ATF1: variants seen among roughly 807,000 people sequenced by gnomAD.
The protein encoded by ATF1 is activating transcription factor 1.
ATF1 carries 16 observed loss-of-function variants against 34.7 expected under a neutral mutation model. The observed-to-expected ratio is 0.46, with a 90% CI of 0.31 to 0.70. ATF1 has a LOEUF of 0.70. ATF1 is among the 30% of genes least tolerant of loss of function. The probability of loss-of-function intolerance (pLI) is 0.05; values close to 1 mark genes in which losing one functional copy is unlikely to be tolerated. For missense variants in ATF1, 255 were observed against 321.6 expected (o/e 0.79, Z 1.58); for synonymous variants, 105 against 113.1 (o/e 0.93, Z 0.46).
chr12:50,779,601 G>T (rs1941009984), intron 1 of ATF1, among the ~76,000 whole-genome samples: 3 of 141,170 alleles, frequency 2.1e-5, no homozygotes, highest in African/African-American at 5.3e-5. Flanking sequence ...ATTAAATTCT[G>T]TCTAAATCTT....
intron 1 of ATF1, among the ~76,000 whole-genome samples, chr12:50,773,386 C>T (rs1940827463): frequency 6.6e-6 from 1 of 150,990 alleles, no homozygotes; most frequent in Admixed American, 6.6e-5. Context: ...CCACCAACAA[C>T]GTAAAAGCAT....
intron 2 of ATF1, among the ~76,000 whole-genome samples, chr12:50,792,485 C>T (rs1319618588): frequency 1.3e-5 from 2 of 152,142 alleles, no homozygotes; most frequent in Non-Finnish European, 2.9e-5. Context: ...ATCCAGACAG[C>T]CCAGTCTTCT....
chr12:50,789,712 G>A (rs1054745073), intron 2 of ATF1, among the ~76,000 whole-genome samples: 4 of 152,074 alleles, frequency 2.6e-5, no homozygotes, highest in Admixed American at 1.3e-4. Context: ...CCGAGATTGT[G>A]CCACTGCACT....
At chr12:50,776,305 G>A in intron 1 of ATF1, among the ~76,000 whole-genome samples, 1 of 102,450 alleles carries the variant, frequency 9.8e-6, no homozygotes, top group South Asian at 2.6e-4. Context: ...GACAGAGTGA[G>A]ACTCTGTCTC....
At chr12:50,775,976 T>C (rs1445447862) in intron 1 of ATF1, among the ~76,000 whole-genome samples, 2 of 152,064 alleles carry the variant, frequency 1.3e-5, no homozygotes, top group African/African-American at 4.8e-5. Flanking sequence ...GTGGATCGTT[T>C]GAGCTTAGGA....
intron 3 of ATF1, chr12:50,806,340 C>A (rs1453325305): frequency 1.0e-5 from 5 of 485,248 alleles, no homozygotes; most frequent in South Asian, 1.5e-5. Context: ...GTTTACTTGG[C>A]TGTCATTGAC....
intron 6 of ATF1, among the ~76,000 whole-genome samples, chr12:50,817,756 A>T (rs1038324818): frequency 6.6e-6 from 1 of 152,232 alleles, no homozygotes; most frequent in African/African-American, 2.4e-5. Context: ...AGGTTATATA[A>T]AGATTTATTT....
At chr12:50,776,192 G>GTCCCAGCTACTCAGGAGGCT (rs1266948872) in intron 1 of ATF1, among the ~76,000 whole-genome samples, 2 of 151,226 alleles carry the variant, frequency 1.3e-5, no homozygotes, top group East Asian at 3.9e-4. Flanking sequence ...GGCGCCTGTA[G>GTCCCAGCTACTCAGGAGGCT]TCCCAGCTAC....
At chr12:50,791,997 C>G (rs1447031031) in intron 2 of ATF1, among the ~76,000 whole-genome samples, 1 of 152,070 alleles carries the variant, frequency 6.6e-6, no homozygotes, top group Non-Finnish European at 1.5e-5. Context: ...TAGTTTTCAA[C>G]CATATCTCTT....
chr12:50,768,500 G>A (rs1230271245), intron 1 of ATF1, among the ~76,000 whole-genome samples: 1 of 152,190 alleles, frequency 6.6e-6, no homozygotes, highest in Non-Finnish European at 1.5e-5. Context: ...TCGTGGCCCT[G>A]TTCTTCCAAG....
rs772657784 is a variant in ATF1, at chr12:50,814,244, TACTA to T, written c.512-28_512-25del. On this transcript the variant is annotated intron_variant, in intron 5 of 6. Transcript: ENST00000262053. ...GTCTCCTAACACTGTCAGAGACACT[TACTA>T]ACTAACTCATTCACTCTTGTTTACC... 9.5e-5 allele frequency: 154 copies of T among 1,613,650 alleles called. 1 individual carries two copies. The Middle Eastern group carries it at 9.9e-4, about 10-fold the overall frequency.
chr12:50,820,174 A>ATGTGTG lies in ATF1; in HGVS notation c.*407_*412dup, dbSNP rs34967117. On this transcript the variant is annotated 3_prime_UTR_variant, in exon 7 of 7. Transcript: ENST00000262053. Reference sequence around the variant, plus strand: ...AATTTACCTTTTTTTAGTTATATATATGTGTGTGTGTGTGTGTAATTTCTG... The same window carrying ATGTGTG: ...AATTTACCTTTTTTTAGTTATATATATGTGTGTGTGTGTGTGTGTGTGTAATTTCTG... 2 of 213,208 alleles carry ATGTGTG rather than the reference A, an allele frequency of 9.4e-6. No individual in the cohort carries two copies. The highest frequency in any genetic ancestry group is 5.6e-5 in the Admixed American group (1 of 17,840). 13.2% of individuals were successfully genotyped at this position (213,208 alleles called of 1,614,324 possible).
intron 3 of ATF1, among the ~76,000 whole-genome samples, chr12:50,805,121 C>T (rs1391562434): frequency 1.3e-5 from 2 of 151,070 alleles, no homozygotes; most frequent in South Asian, 2.2e-4. Flanking sequence ...ATTTTTATAA[C>T]ACTTGACCCA....
At chr12:50,809,395 ATTATTT>A in intron 3 of ATF1, 55 bp from the exon 4 acceptor site, 1 of 1,197,732 alleles carries the variant, frequency 8.3e-7, no homozygotes, top group Non-Finnish European at 1.1e-6. Flanking sequence ...AAAAAAAAAA[ATTATTT>A]TTGTGAAGTC....
At chr12:50,796,284 A>C (rs1019743326) in intron 3 of ATF1, among the ~76,000 whole-genome samples, 17 of 152,034 alleles carry the variant, frequency 1.1e-4, no homozygotes, top group Admixed American at 2.6e-4. Context: ...AGTCCCATCT[A>C]CTTAGAGGCT....
At chr12:50,796,212 T>G (rs1193106537) in intron 3 of ATF1, among the ~76,000 whole-genome samples, 1 of 151,504 alleles carries the variant, frequency 6.6e-6, no homozygotes, top group African/African-American at 2.4e-5. Context: ...CTGGGCAACA[T>G]GGCAAGACCC....
At chr12:50,797,236 G>T (rs1941426165) in intron 3 of ATF1, among the ~76,000 whole-genome samples, 1 of 152,148 alleles carries the variant, frequency 6.6e-6, no homozygotes, top group Non-Finnish European at 1.5e-5. Context: ...CAATTTCCAG[G>T]ATATGAATTT....
In ATF1 at chr12:50,776,157, A is replaced by G. The variant is rs548084810; in HGVS notation, c.-6-3983A>G. Among the ~76,000 whole-genome samples, 205 of 151,598 alleles carry G rather than the reference A, an allele frequency of 1.4e-3. 2 individuals are homozygous for G. The highest frequency in any genetic ancestry group is 4.8e-3 in the African/African-American group (197 of 41,364). ...GAAACCCCGTCTTTACTAAAAATAC[A>G]AAAAATTAGCTGGGCATGGTGGCGG... On this transcript the variant is annotated intron_variant, in intron 1 of 6. Coordinates refer to ENST00000262053, the MANE Select transcript of ATF1 (RefSeq NM_005171.5).
intron 1 of ATF1, among the ~76,000 whole-genome samples, chr12:50,766,097 G>C (rs1365267035): frequency 6.6e-6 from 1 of 152,144 alleles, no homozygotes; most frequent in East Asian, 1.9e-4. Context: ...TATTTCTGGC[G>C]ACCACAAAGG....
Sources: allele counts gnomAD v4.1 joint callset (sites outside exome capture counted in the v4.1 genomes callset), GRCh38; gene constraint gnomAD v4.1.1; transcripts MANE v1.5; gene names NCBI Gene and HGNC (gene_info 2026-07-23, HGNC 2026-07-21).